CACNA2D2: variants seen among roughly 807,000 people sequenced by gnomAD.
CACNA2D2 encodes calcium voltage-gated channel auxiliary subunit alpha2delta 2.
CACNA2D2 carries 48 observed loss-of-function variants against 166.4 expected under a neutral mutation model. That is an observed-to-expected ratio of 0.29 (90% CI 0.23 to 0.37). The LOEUF (loss-of-function observed/expected upper bound fraction) is 0.37, where lower values mean the gene tolerates loss of function less well. CACNA2D2 is among the 10% of genes least tolerant of loss of function. The pLI is 1.00. For missense variants in CACNA2D2, 1,122 were observed against 1,433.0 expected (o/e 0.78, Z 3.50); for synonymous variants, 561 against 573.7 (o/e 0.98, Z 0.32).
At chr3:50,485,537 C>T (rs191118375) in intron 1 of CACNA2D2, among the ~76,000 whole-genome samples, 6 of 152,344 alleles carry the variant, frequency 3.9e-5, no homozygotes, top group Admixed American at 2.0e-4. Flanking sequence ...AACGTTGAGG[C>T]TGTTCTGAAG....
intron 3 of CACNA2D2, among the ~76,000 whole-genome samples, chr3:50,422,468 T>A (rs777410166): frequency 2.0e-5 from 3 of 152,212 alleles, no homozygotes; most frequent in African/African-American, 4.8e-5. Context: ...ACTAGGACAC[T>A]TTTTCACAGA....
intron 2 of CACNA2D2, among the ~76,000 whole-genome samples, chr3:50,454,368 G>A (rs1396822481): frequency 6.6e-5 from 10 of 152,302 alleles, no homozygotes; most frequent in East Asian, 1.9e-4. Context: ...CAGAGGACGC[G>A]CACCCTCCCT....
At chr3:50,428,681 T>A (rs1331155780) in intron 3 of CACNA2D2, among the ~76,000 whole-genome samples, 1 of 152,040 alleles carries the variant, frequency 6.6e-6, no homozygotes, top group African/African-American at 2.4e-5. Flanking sequence ...CTGAGCCTCA[T>A]GGGGGTGTGG....
At chr3:50,430,626 T>C (rs1575674599) in intron 3 of CACNA2D2, among the ~76,000 whole-genome samples, 1 of 152,188 alleles carries the variant, frequency 6.6e-6, no homozygotes, top group Admixed American at 6.5e-5. Context: ...CGGATGTTGG[T>C]GAACAGATGG....
At chr3:50,378,379 G>A in intron 13 of CACNA2D2, 46 bp from the exon 14 acceptor site, 1 of 1,537,772 alleles carries the variant, frequency 6.5e-7, no homozygotes, top group Non-Finnish European at 8.8e-7. Flanking sequence ...GGCACTGCAG[G>A]ATCCATGTGC....
chr3:50,435,832 G>A (rs1488614759), intron 2 of CACNA2D2, among the ~76,000 whole-genome samples: 3 of 152,136 alleles, frequency 2.0e-5, no homozygotes, highest in Non-Finnish European at 2.9e-5. Context: ...TGGTGAAGTC[G>A]CTCCTTCCCG....
intron 3 of CACNA2D2, among the ~76,000 whole-genome samples, chr3:50,417,870 A>C (rs1707336950): frequency 6.6e-6 from 1 of 152,158 alleles, no homozygotes; most frequent in African/African-American, 2.4e-5. Flanking sequence ...CCCAGCAACT[A>C]GTGCAGGATC....
chr3:50,397,950 C>T (rs916809773), intron 3 of CACNA2D2, among the ~76,000 whole-genome samples: 1 of 152,172 alleles, frequency 6.6e-6, no homozygotes, highest in Non-Finnish European at 1.5e-5. Flanking sequence ...ATAGAGCTGA[C>T]AATAGTCAGG....
intron 1 of CACNA2D2, among the ~76,000 whole-genome samples, chr3:50,489,893 T>G (rs1698453187): frequency 6.6e-6 from 1 of 152,080 alleles, no homozygotes; most frequent in South Asian, 2.1e-4. Context: ...TGTTATTTAT[T>G]TGGCCTCACT....
In CACNA2D2 at chr3:50,386,619, G is replaced by A. The variant is rs587760749; in HGVS notation, c.510+949C>T. 4.3e-4 allele frequency among the ~76,000 whole-genome samples: 66 copies of A among 152,284 alleles called. 2 individuals carry two copies. The South Asian group carries it at 8.1e-3, about 19-fold the overall frequency. ...CCTGCGGCTCTCCCAGGCCAGCCTG[G>A]CACTGTGGATCCTGCACAGGGATCC... is the stretch of plus-strand genomic sequence containing the variant. On this transcript the variant is annotated intron_variant, in intron 5 of 37. Coordinates refer to ENST00000424201, the MANE Select transcript of CACNA2D2 (RefSeq NM_006030.4).
At chr3:50,493,532 C>T (rs1260698512) in intron 1 of CACNA2D2, among the ~76,000 whole-genome samples, 1 of 152,208 alleles carries the variant, frequency 6.6e-6, no homozygotes, top group Non-Finnish European at 1.5e-5. Flanking sequence ...AAAAGCGAGG[C>T]CACCAGGCTG....
chr3:50,451,041 C>T (rs1199607291), intron 2 of CACNA2D2, among the ~76,000 whole-genome samples: 1 of 152,204 alleles, frequency 6.6e-6, no homozygotes, highest in Non-Finnish European at 1.5e-5. Context: ...TCTGTAGGGG[C>T]TCCTCATCCA....
In CACNA2D2 at chr3:50,364,816, G is replaced by A. The variant is rs766363334; in HGVS notation, c.3292-10C>T. ...AGTCTGAGGTATCTTCCTGCGGGGA[G>A]AGACAAGGAGCTGGTCGGCCTGGGC... On this transcript the variant is annotated splice_polypyrimidine_tract_variant and intron_variant, in intron 37 of 37. Transcript: ENST00000424201. 2.0e-5 allele frequency: 32 copies of A among 1,612,528 alleles called. No individual in the cohort carries two copies. The highest frequency in any genetic ancestry group is 2.7e-5 in the African/African-American group (2 of 74,888).
chr3:50,416,391 T>C (rs1707263917), intron 3 of CACNA2D2, among the ~76,000 whole-genome samples: 1 of 152,222 alleles, frequency 6.6e-6, no homozygotes, highest in African/African-American at 2.4e-5. Flanking sequence ...GAGACCTCTA[T>C]TTCTCCTATA....
intron 2 of CACNA2D2, among the ~76,000 whole-genome samples, chr3:50,452,672 C>T (rs914039980): frequency 1.3e-5 from 2 of 152,194 alleles, no homozygotes; most frequent in African/African-American, 4.8e-5. Context: ...AACAAATTTA[C>T]GGTGAAATGT....
intron 3 of CACNA2D2, among the ~76,000 whole-genome samples, chr3:50,408,147 A>G (rs2106787813): frequency 6.6e-6 from 1 of 152,124 alleles, no homozygotes; most frequent in East Asian, 1.9e-4. Context: ...CCCACCCAAG[A>G]CCACACAATG....
At position 50,499,877 on chromosome 3, in the gene CACNA2D2, G is replaced by A. The variant is rs1040386590; in HGVS notation, c.206+3341C>T. ...GATAAAGATGGAGTCCAGGGGAACAGCAGCCAAGGGTCCCCCCAAAGTCCT... is the reference window on the plus strand; with the variant it reads ...GATAAAGATGGAGTCCAGGGGAACAACAGCCAAGGGTCCCCCCAAAGTCCT... On this transcript the variant is annotated intron_variant, in intron 1 of 37. Transcript: ENST00000424201. 2.6e-5 allele frequency among the ~76,000 whole-genome samples: 4 copies of A among 152,288 alleles called. No homozygotes were observed. In the East Asian group the frequency reaches 7.7e-4, roughly 29 times the overall value.
At chr3:50,487,897 G>T (rs1698358050) in intron 1 of CACNA2D2, among the ~76,000 whole-genome samples, 1 of 152,142 alleles carries the variant, frequency 6.6e-6, no homozygotes, top group South Asian at 2.1e-4. Flanking sequence ...CCTACTATGG[G>T]CACCTGGGAG....
intron 1 of CACNA2D2, among the ~76,000 whole-genome samples, chr3:50,486,080 T>G (rs1360042058): frequency 6.6e-6 from 1 of 152,112 alleles, no homozygotes; most frequent in African/African-American, 2.4e-5. Flanking sequence ...CGGGCCCATT[T>G]CACAAACGGG....
Sources: allele counts gnomAD v4.1 joint callset (sites outside exome capture counted in the v4.1 genomes callset), GRCh38; gene constraint gnomAD v4.1.1; transcripts MANE v1.5; gene names NCBI Gene and HGNC (gene_info 2026-07-23, HGNC 2026-07-21).